The following ZXDC variants were observed in gnomAD, a reference collection of about 807,000 sequenced individuals.
ZXDC encodes the protein ZXD family zinc finger C, also known as zinc finger protein ZXDC.
Under a neutral mutation model 63.6 loss-of-function variants are expected in ZXDC, and 58 were observed. The ratio of observed to expected loss-of-function variants is 0.91; its 90% CI spans 0.74 to 1.13. ZXDC has a LOEUF of 1.13. ZXDC is among the 50% of genes most tolerant of loss of function. The probability of loss-of-function intolerance (pLI) is 0.00; values close to 1 mark genes in which losing one functional copy is unlikely to be tolerated. For missense variants in ZXDC, 1,133 were observed against 1,148.9 expected (o/e 0.99, Z 0.20); for synonymous variants, 561 against 496.1 (o/e 1.13, Z -1.74).
At chr3:126,453,403 C>T (rs770481075) in intron 7 of ZXDC, 53 of 985,308 alleles carry the variant, frequency 5.4e-5, no homozygotes, top group Non-Finnish European at 6.0e-5. Context: ...ATTTAAGCAT[C>T]AAAATCTGGA....
Position 126,469,347 on chromosome 3 carries a change from C to T in ZXDC, c.1270+1548G>A, listed in dbSNP as rs996491303. ...CCAGTGGCACATCCCCTGCCCTCTG[C>T]GCATTAGACGCACAAGGGTACCAAA... is the stretch of plus-strand genomic sequence containing the variant. On this transcript the variant is annotated intron_variant, in intron 4 of 9. Coordinates refer to ENST00000389709, the MANE Select transcript of ZXDC (RefSeq NM_025112.5). Among the ~76,000 whole-genome samples the T allele has an allele frequency of 2.0e-5, 3 of 152,200 alleles. No homozygotes were observed. In the East Asian group the frequency reaches 5.8e-4, roughly 29 times the overall value.
chr3:126,442,912 A>G (rs1933737283), intron 7 of ZXDC: 1 of 152,246 alleles, frequency 6.6e-6, no homozygotes, highest in South Asian at 2.1e-4. Context: ...GCTGTTTGAC[A>G]GGAAGGTTCT....
At chr3:126,463,462 G>A (rs933776388) in intron 5 of ZXDC, among the ~76,000 whole-genome samples, 13 of 152,170 alleles carry the variant, frequency 8.5e-5, no homozygotes, top group South Asian at 2.1e-4. Context: ...ATTCAACTAC[G>A]TAATTTAAAT....
chr3:126,441,785 C>G lies in ZXDC; in HGVS notation c.2374G>C (p.Val792Leu), dbSNP rs767902988. The change falls in exon 8 of 10, where the codon GTC becomes CTC. Residue 792 changes from valine (V) to leucine (L), a missense_variant. Coordinates refer to ENST00000389709, the MANE Select transcript of ZXDC (RefSeq NM_025112.5). ...AAGVQCGAQG[V>L]QVQLVQDDPS... ...CTCACCTGCACCAGCTGGACCTGGA[C>G]GCCCTGCGCCCCGCACTGCACCCCA... 6.2e-7 allele frequency: 1 copy of G among 1,602,532 alleles called. No individual in the cohort carries two copies. Among genetic ancestry groups the G allele is most frequent in the Admixed American group, 1.7e-5 (1 of 58,222 alleles).
chr3:126,462,232 AG>A lies in ZXDC; in HGVS notation c.1442-13del. The A allele has an allele frequency of 1.3e-6, 2 of 1,577,494 alleles. No individual in the cohort carries two copies. Among genetic ancestry groups the A allele is most frequent in the Non-Finnish European group, 1.7e-6 (2 of 1,167,842 alleles). On this transcript the variant is annotated splice_polypyrimidine_tract_variant and intron_variant, in intron 5 of 9. Transcript: ENST00000389709. ...CTGAGGTAAGAGATCTGAAAAAAAA[AG>A]GAATACACTCTGGTTACTTTATGAC...
chr3:126,452,900 G>T, intron 7 of ZXDC: 1 of 463,180 alleles, frequency 2.2e-6, no homozygotes, highest in Non-Finnish European at 2.8e-6. Context: ...CACCACGCGT[G>T]GCTAATTATT....
In ZXDC at chr3:126,441,890, A is replaced by T; in HGVS notation, c.2269T>A (p.Phe757Ile). ...IKEGKMSPPH[F>I]HASQNSWLCG... Reference sequence around the variant, plus strand: ...AACCAACTGTTCTGGCTTGCATGGAAATGGGGAGGACTCATTTTGCCTTCT... The same window carrying T: ...AACCAACTGTTCTGGCTTGCATGGATATGGGGAGGACTCATTTTGCCTTCT... The change falls in exon 8 of 10, where the codon TTC (phenylalanine) becomes ATC (isoleucine). Residue 757 changes from phenylalanine (F) to isoleucine (I), a missense_variant. Coordinates refer to ENST00000389709, the MANE Select transcript of ZXDC (RefSeq NM_025112.5). 1 of 1,613,428 alleles carries T rather than the reference A, an allele frequency of 6.2e-7. No individual in the cohort carries two copies. Among genetic ancestry groups the T allele is most frequent in the Non-Finnish European group, 8.5e-7 (1 of 1,179,708 alleles).
Position 126,441,878 on chromosome 3 carries a change from G to A in ZXDC, c.2281C>T (p.Gln761Ter). The change falls in exon 8 of 10, where the codon CAG becomes TAG. Residue 761 changes from glutamine to a stop codon, truncating the protein, a stop_gained. Coordinates refer to ENST00000389709, the MANE Select transcript of ZXDC (RefSeq NM_025112.5). LOFTEE classifies it high-confidence loss of function. ...KMSPPHFHASQNSWLCGSLVV... is the reference protein window; with the variant it reads ...KMSPPHFHAS ...AGGCTCCCACACAACCAACTGTTCT[G>A]GCTTGCATGGAAATGGGGAGGACTC... The A allele has an allele frequency of 1.2e-6, 2 of 1,613,850 alleles. No individual in the cohort carries two copies. Among genetic ancestry groups the A allele is most frequent in the Non-Finnish European group, 1.7e-6 (2 of 1,179,878 alleles).
Position 126,459,668 on chromosome 3 carries a change from C to A in ZXDC, c.2197G>T (p.Ala733Ser). 6.2e-7 allele frequency: 1 copy of A among 1,614,204 alleles called. No homozygotes were observed. Among genetic ancestry groups the A allele is most frequent in the Non-Finnish European group, 8.5e-7 (1 of 1,180,036 alleles). ...QLAKEKKQRGAGSNAGASQST... is the reference protein window; with the variant it reads ...QLAKEKKQRGSGSNAGASQST... ...ACGGCCTCACCTGCATTGCTCCCCG[C>A]TCCTCTCTGCTTTTTTTCCTTGGCT... The change falls in exon 7 of 10, where the codon GCG becomes TCG. Residue 733 changes from alanine to serine, a missense_variant. Physicochemically the swap from Ala to Ser is moderately conservative, Grantham distance 99. Transcript: ENST00000389709.
At chr3:126,469,732 C>T (rs573496961) in intron 4 of ZXDC, among the ~76,000 whole-genome samples, 92 of 152,322 alleles carry the variant, frequency 6.0e-4, no homozygotes, top group African/African-American at 2.1e-3. Flanking sequence ...TTCAGCTGAC[C>T]GCGAGGCCGT....
chr3:126,457,904 G>GA (rs1373957696), intron 7 of ZXDC, among the ~76,000 whole-genome samples: 4 of 151,650 alleles, frequency 2.6e-5, no homozygotes, highest in Non-Finnish European at 5.9e-5. Flanking sequence ...TTCAGGAAAA[G>GA]AAAAAAAACG....
At chr3:126,460,899 A>G in intron 6 of ZXDC, 1 of 985,448 alleles carries the variant, frequency 1.0e-6, no homozygotes, top group Non-Finnish European at 1.2e-6. Flanking sequence ...CCACAAAAAA[A>G]ATCCCTATCT....
In ZXDC at chr3:126,475,403, T is replaced by C; in HGVS notation, c.463A>G (p.Thr155Ala). 8.4e-7 allele frequency: 1 copy of C among 1,196,496 alleles called. No homozygotes were observed. Among genetic ancestry groups the C allele is most frequent in the East Asian group, 3.8e-5 (1 of 26,490 alleles). The allele number at this position is 1,196,496 out of a possible 1,614,324, so 74.1% of individuals were successfully genotyped here. A position where few individuals can be genotyped will look rare whatever the true frequency, so the allele number is the denominator to read the frequency against. The change falls in exon 1 of 10, where the codon ACC becomes GCC. Residue 155 changes from threonine (T) to alanine (A), a missense_variant. Physicochemically the swap from Thr to Ala is moderately conservative, Grantham distance 58. Coordinates refer to ENST00000389709, the MANE Select transcript of ZXDC (RefSeq NM_025112.5). ...CGGCGGGGAGCGGCGGCGCCCGCGGTTGCGGGGCCGGGCGGCGCAGACAGC... is the reference window on the plus strand; with the variant it reads ...CGGCGGGGAGCGGCGGCGCCCGCGGCTGCGGGGCCGGGCGGCGCAGACAGC... ...LALSAPPGPA[T>A]AGAAAPRRAP...
intron 7 of ZXDC, among the ~76,000 whole-genome samples, chr3:126,444,201 T>C (rs1465145693): frequency 6.6e-6 from 1 of 152,182 alleles, no homozygotes; most frequent in Non-Finnish European, 1.5e-5. Flanking sequence ...CTGGCTTCAT[T>C]TTTAAATTCA....
chr3:126,452,390 T>G (rs1191507059), intron 7 of ZXDC: 9 of 985,310 alleles, frequency 9.1e-6, no homozygotes, highest in Non-Finnish European at 8.4e-6. Context: ...CAGCCAAGCC[T>G]GTGGGCTCTG....
In ZXDC at chr3:126,438,130, T is replaced by C. The variant is rs1038699419; in HGVS notation, c.*245A>G. 2 of 560,702 alleles carry C rather than the reference T, an allele frequency of 3.6e-6. No homozygotes were observed. Among genetic ancestry groups the C allele is most frequent in the Non-Finnish European group, 6.4e-6 (2 of 311,784 alleles). The allele number at this position is 560,702 out of a possible 1,614,324, so 34.7% of individuals were successfully genotyped here. A position where few individuals can be genotyped will look rare whatever the true frequency, so the allele number is the denominator to read the frequency against. On this transcript the variant is annotated 3_prime_UTR_variant, in exon 10 of 10. Coordinates refer to ENST00000389709, the MANE Select transcript of ZXDC (RefSeq NM_025112.5). The stretch of plus-strand genomic sequence containing the variant: ...GAGGCTGTAGTGCACCTAGCCCTGC[T>C]GAGGGAGACCCTTGCCTTGCCAAAG...
rs557718331 is a variant in ZXDC, at chr3:126,475,698, C to G, written c.168G>C (p.Gly56=). 29 of 1,301,916 alleles carry G rather than the reference C, an allele frequency of 2.2e-5. No homozygotes were observed. In the African/African-American group the frequency reaches 4.1e-4, roughly 18 times the overall value. 80.6% of individuals were successfully genotyped at this position (1,301,916 alleles called of 1,614,324 possible). A position where few individuals can be genotyped will look rare whatever the true frequency, so the allele number is the denominator to read the frequency against. ...GCGGCGGGCTTGGCCCGGAGGCCTC[C>G]CCGGGCCGCGCCCCGGGCCCGCCAT... is the stretch of plus-strand genomic sequence containing the variant. ...PEDGGPGARP[G]EASGPSPPPA... Residue 56 remains glycine, a synonymous_variant, in exon 1 of 10, where the codon GGG becomes GGC. Transcript: ENST00000389709.
Position 126,461,524 on chromosome 3 carries a change from G to C in ZXDC, c.2127+11C>G. On this transcript the variant is annotated intron_variant, in intron 6 of 9. Transcript: ENST00000389709. ...ACCTATATGGTGGTGACTGAATAGAGTGCTTCATACCAAATAGAAGTTGCC... is the reference window on the plus strand; with the variant it reads ...ACCTATATGGTGGTGACTGAATAGACTGCTTCATACCAAATAGAAGTTGCC... 6.3e-7 allele frequency: 1 copy of C among 1,599,052 alleles called. No individual in the cohort carries two copies. The highest frequency in any genetic ancestry group is 8.5e-7 in the Non-Finnish European group (1 of 1,170,118).
chr3:126,438,267 G>A lies in ZXDC; in HGVS notation c.*108C>T. 1.1e-6 allele frequency: 1 copy of A among 878,746 alleles called. No homozygotes were observed. The highest frequency in any genetic ancestry group is 1.9e-6 in the Non-Finnish European group (1 of 539,954). 54.4% of individuals were successfully genotyped at this position (878,746 alleles called of 1,614,324 possible). On this transcript the variant is annotated 3_prime_UTR_variant, in exon 10 of 10. Coordinates refer to ENST00000389709, the MANE Select transcript of ZXDC (RefSeq NM_025112.5). ...CCAAAAGTCTCAAAAGGGCTACGCT[G>A]GTCTTCTGAACGGAAACCAAATGAG...
Sources: allele counts gnomAD v4.1 joint callset (sites outside exome capture counted in the v4.1 genomes callset), GRCh38; gene constraint gnomAD v4.1.1; transcripts MANE v1.5; gene names NCBI Gene and HGNC (gene_info 2026-07-23, HGNC 2026-07-21).